Variants in GALNTL6 observed in about 807,000 individuals in gnomAD.
GALNTL6 encodes the protein polypeptide N-acetylgalactosaminyltransferase-like 6.
In GALNTL6, 46 loss-of-function variants were observed where a neutral mutation model predicts 73.7. The ratio of observed to expected loss-of-function variants is 0.62; its 90% CI spans 0.49 to 0.80. GALNTL6 has a LOEUF of 0.80. Ranked by LOEUF, GALNTL6 falls within the 30% of genes least tolerant of loss-of-function variation. The pLI is 0.00. For missense variants in GALNTL6, 604 were observed against 755.0 expected (o/e 0.80, Z 2.34); for synonymous variants, 259 against 263.7 (o/e 0.98, Z 0.17).
At chr4:172,586,933 A>G (rs758950934) in intron 5 of GALNTL6, among the ~76,000 whole-genome samples, 15 of 152,216 alleles carry the variant, frequency 9.9e-5, no homozygotes, top group Admixed American at 3.3e-4. Context: ...CAGACTTCAC[A>G]GCAACTTGTG....
At chr4:171,827,686 T>C (rs2110817317) in intron 2 of GALNTL6, among the ~76,000 whole-genome samples, 1 of 152,246 alleles carries the variant, frequency 6.6e-6, no homozygotes, top group African/African-American at 2.4e-5. Context: ...CTTCTCTGTA[T>C]CTTATCTTAT....
chr4:172,805,930 T>C (rs1441694538), intron 5 of GALNTL6, among the ~76,000 whole-genome samples: 3 of 151,868 alleles, frequency 2.0e-5, no homozygotes, highest in Admixed American at 6.6e-5. Context: ...AAAATCGGAG[T>C]AATAGTATCT....
In GALNTL6 at chr4:172,756,380, A is replaced by C. The variant is rs564610277; in HGVS notation, c.554-52981A>C. 3.7e-4 allele frequency among the ~76,000 whole-genome samples: 56 copies of C among 152,336 alleles called. No homozygotes were observed. In the South Asian group the frequency reaches 5.0e-3, roughly 14 times the overall value. ...AGATGGGGGCTGGGCGCTGTGGCTC[A>C]CGCCTGTAATCCCAGCATTTTAGGA... On this transcript the variant is annotated intron_variant, in intron 5 of 12. Coordinates refer to ENST00000506823, the MANE Select transcript of GALNTL6 (RefSeq NM_001034845.3).
intron 5 of GALNTL6, among the ~76,000 whole-genome samples, chr4:172,792,039 GT>G (rs1480705244): frequency 6.6e-6 from 1 of 152,184 alleles, no homozygotes; most frequent in Admixed American, 6.5e-5. Flanking sequence ...CCATGGACTG[GT>G]TTGGCTGTTC....
chr4:172,991,168 AC>A (rs1439120349), intron 10 of GALNTL6, among the ~76,000 whole-genome samples: 2 of 152,180 alleles, frequency 1.3e-5, no homozygotes, highest in African/African-American at 2.4e-5. Flanking sequence ...TTAAACTTTT[AC>A]TCATTAATAG....
chr4:172,883,959 A>G (rs1745587305), intron 8 of GALNTL6, among the ~76,000 whole-genome samples: 2 of 152,328 alleles, frequency 1.3e-5, no homozygotes, highest in South Asian at 4.1e-4. Flanking sequence ...TGCAAATGAT[A>G]GTATTTCATT....
chr4:172,528,338 A>AT (rs1425110721), intron 5 of GALNTL6, among the ~76,000 whole-genome samples: 2 of 38,990 alleles, frequency 5.1e-5, no homozygotes, highest in Non-Finnish European at 1.5e-4. Flanking sequence ...ATATATATAT[A>AT]TATATATATA....
At chr4:172,546,730 A>G (rs527813527) in intron 5 of GALNTL6, among the ~76,000 whole-genome samples, 1 of 101,966 alleles carries the variant, frequency 9.8e-6, no homozygotes, top group South Asian at 3.7e-4. Flanking sequence ...GTGTGTTAGA[A>G]GCAGGAGGCT....
chr4:172,735,233 C>T (rs1736392121), intron 5 of GALNTL6, among the ~76,000 whole-genome samples: 1 of 152,176 alleles, frequency 6.6e-6, no homozygotes, highest in Admixed American at 6.5e-5. Flanking sequence ...CCTGCAAAGC[C>T]ACAGGGGCAG....
intron 5 of GALNTL6, among the ~76,000 whole-genome samples, chr4:172,491,894 T>G (rs1185776125): frequency 6.6e-6 from 1 of 152,182 alleles, no homozygotes; most frequent in Non-Finnish European, 1.5e-5. Context: ...GATGAATATC[T>G]AAGCATTTTA....
chr4:172,273,244 T>A (rs1285196818), intron 3 of GALNTL6, among the ~76,000 whole-genome samples: 1 of 152,154 alleles, frequency 6.6e-6, no homozygotes, highest in Non-Finnish European at 1.5e-5. Context: ...ATAATATATG[T>A]TTGAAGCTGT....
intron 2 of GALNTL6, among the ~76,000 whole-genome samples, chr4:172,013,282 T>A (rs1172512963): frequency 1.3e-5 from 2 of 152,044 alleles, no homozygotes; most frequent in Non-Finnish European, 2.9e-5. Flanking sequence ...ACTCCTCCTA[T>A]CTATGTACTT....
chr4:172,588,565 A>G (rs112248420), intron 5 of GALNTL6, among the ~76,000 whole-genome samples: 10 of 152,078 alleles, frequency 6.6e-5, no homozygotes, highest in African/African-American at 2.2e-4. Flanking sequence ...AATCCTCCCA[A>G]TCGTGGATAG....
intron 2 of GALNTL6, among the ~76,000 whole-genome samples, chr4:172,030,040 C>G (rs1039738084): frequency 6.6e-6 from 1 of 152,074 alleles, no homozygotes; most frequent in Non-Finnish European, 1.5e-5. Context: ...TCCTGTAATA[C>G]AGGTATTAAT....
At chr4:172,852,966 T>G (rs181628687) in intron 7 of GALNTL6, among the ~76,000 whole-genome samples, 26 of 152,246 alleles carry the variant, frequency 1.7e-4, no homozygotes, top group Non-Finnish European at 2.8e-4. Context: ...AACAATTACT[T>G]TAGGTTAAGT....
chr4:172,640,915 A>G (rs1316319134), intron 5 of GALNTL6, among the ~76,000 whole-genome samples: 2 of 152,030 alleles, frequency 1.3e-5, no homozygotes, highest in African/African-American at 2.4e-5. Context: ...TAGTTTTAAC[A>G]TCTCTCATGA....
intron 5 of GALNTL6, among the ~76,000 whole-genome samples, chr4:172,599,920 C>CA (rs1044974406): frequency 3.3e-5 from 5 of 151,796 alleles, no homozygotes; most frequent in African/African-American, 1.2e-4. Flanking sequence ...AAAACAACAG[C>CA]AAAAAAGACA....
intron 2 of GALNTL6, among the ~76,000 whole-genome samples, chr4:172,144,201 C>T (rs141725903): frequency 6.6e-6 from 1 of 152,266 alleles, no homozygotes; most frequent in East Asian, 1.9e-4. Context: ...TTGAATATTA[C>T]TTGCATTATC....
At chr4:172,492,587 G>A (rs537946047) in intron 5 of GALNTL6, among the ~76,000 whole-genome samples, 71 of 152,158 alleles carry the variant, frequency 4.7e-4, no homozygotes, top group Middle Eastern at 3.4e-3. Flanking sequence ...ACACATGCTC[G>A]CAGTATAATA....
Sources: allele counts gnomAD v4.1 joint callset (sites outside exome capture counted in the v4.1 genomes callset), GRCh38; gene constraint gnomAD v4.1.1; transcripts MANE v1.5; gene names NCBI Gene and HGNC (gene_info 2026-07-23, HGNC 2026-07-21).